FGFR2: variants seen among roughly 807,000 people sequenced by gnomAD.
The protein encoded by FGFR2 is fibroblast growth factor receptor 2.
FGFR2 carries 19 observed loss-of-function variants against 95.9 expected under a neutral mutation model. The ratio of observed to expected loss-of-function variants is 0.20; its 90% CI spans 0.14 to 0.29. The LOEUF (loss-of-function observed/expected upper bound fraction) is 0.29. FGFR2 is among the 10% of genes least tolerant of loss of function. The pLI is 1.00. For missense variants in FGFR2, 707 were observed against 1,056.9 expected, an observed-to-expected ratio of 0.67 and a Z score of 4.59; for synonymous variants, 392 against 393.3, an observed-to-expected ratio of 1.00 and a Z score of 0.04.
At chr10:121,526,826 C>T in intron 6 of FGFR2, 1 of 398,570 alleles carries the variant, frequency 2.5e-6, no homozygotes, top group Non-Finnish European at 4.4e-6. Flanking sequence ...GTTCTTTCCT[C>T]TTCGCTGTCT....
intron 12 of FGFR2, among the ~76,000 whole-genome samples, chr10:121,498,079 C>A (rs1847115632): frequency 1.3e-5 from 2 of 152,218 alleles, no homozygotes; most frequent in South Asian, 4.1e-4. Flanking sequence ...GGGAGCTCAG[C>A]CATCTGTGAC....
chr10:121,515,556 T>C (rs961455506), intron 8 of FGFR2, among the ~76,000 whole-genome samples: 2 of 152,060 alleles, frequency 1.3e-5, no homozygotes, highest in Admixed American at 6.6e-5. Flanking sequence ...CAGTGAGTGG[T>C]TGACACCCAG....
chr10:121,482,002 T>C (rs1322500988), intron 17 of FGFR2: 5 of 511,328 alleles, frequency 9.8e-6, no homozygotes, highest in Admixed American at 3.1e-5. Flanking sequence ...CACGCCCGGC[T>C]AATTTTTTGT....
chr10:121,495,901 G>C (rs1787311233), intron 13 of FGFR2, among the ~76,000 whole-genome samples: 1 of 152,184 alleles, frequency 6.6e-6, no homozygotes, highest in Non-Finnish European at 1.5e-5. Flanking sequence ...CTGGGCACCT[G>C]TCTAACTACT....
chr10:121,587,289 A>G (rs758158326), intron 2 of FGFR2, among the ~76,000 whole-genome samples: 1 of 152,232 alleles, frequency 6.6e-6, no homozygotes, highest in Non-Finnish European at 1.5e-5. Flanking sequence ...TGTCAAATCC[A>G]AAACTATAAA....
rs2135119115 is a variant in FGFR2 at position 121,565,601 on chromosome 10, A to G, written c.213T>C (p.Ser71=). Residue 71 remains serine (S), a synonymous_variant, in exon 3 of 18, where the codon AGT becomes AGC. Transcript: ENST00000358487. Reference sequence around the variant, plus strand: ...CCAAGTGCACCCCATCCTTAGTCCAACTGATCACGGCGGCATCTTTCAACA... The same window carrying G: ...CCAAGTGCACCCCATCCTTAGTCCAGCTGATCACGGCGGCATCTTTCAACA... ...RCLLKDAAVI[S]WTKDGVHLGP... is the part of the protein sequence containing the mutation. The G allele has an allele frequency of 2.5e-6, 4 of 1,614,140 alleles. No individual in the cohort carries two copies. The highest frequency in any genetic ancestry group is 2.2e-5 in the South Asian group (2 of 91,076).
chr10:121,591,271 T>C (rs549476126), intron 2 of FGFR2, among the ~76,000 whole-genome samples: 1 of 152,192 alleles, frequency 6.6e-6, no homozygotes, highest in Non-Finnish European at 1.5e-5. Context: ...GCCTCCTCCA[T>C]CCAAAAACAA....
intron 13 of FGFR2, among the ~76,000 whole-genome samples, 189 bp from the exon 14 acceptor site, chr10:121,488,302 A>G (rs1289839573): frequency 6.6e-6 from 1 of 152,076 alleles, no homozygotes; most frequent in Non-Finnish European, 1.5e-5. Context: ...GCACTTTGGG[A>G]GGTCAAGGTG....
At chr10:121,548,144 C>T (rs1490778090) in intron 5 of FGFR2, among the ~76,000 whole-genome samples, 1 of 152,008 alleles carries the variant, frequency 6.6e-6, no homozygotes, top group East Asian at 1.9e-4. Context: ...TCCCAGGCCG[C>T]CCCACCCTAC....
intron 2 of FGFR2, among the ~76,000 whole-genome samples, chr10:121,588,292 G>A (rs1256167120): frequency 1.3e-5 from 2 of 152,054 alleles, no homozygotes; most frequent in Non-Finnish European, 2.9e-5. Flanking sequence ...ATAGCTATTG[G>A]GTACTGGGCT....
At chr10:121,539,124 T>C (rs1853302532) in intron 5 of FGFR2, among the ~76,000 whole-genome samples, 1 of 152,220 alleles carries the variant, frequency 6.6e-6, no homozygotes, top group Non-Finnish European at 1.5e-5. Context: ...CAGAACCATG[T>C]AGAACTAACA....
chr10:121,517,569 GCC>G lies in FGFR2; in HGVS notation c.940-108_940-107del. 1 of 1,314,894 alleles carries G rather than the reference GCC, an allele frequency of 7.6e-7. No homozygotes were observed. Among genetic ancestry groups the G allele is most frequent in the Non-Finnish European group, 1.1e-6 (1 of 925,482 alleles). 81.5% of individuals were successfully genotyped at this position (1,314,894 alleles called of 1,614,324 possible). ...GCACCGGGGGCTTCAGGGGGTGCTG[GCC>G]ACTGGGAGATTCCGACTGCAGCCCA... On this transcript the variant is annotated intron_variant, in intron 7 of 17. Coordinates refer to ENST00000358487, the MANE Select transcript of FGFR2 (RefSeq NM_000141.5). The surrounding 1 kb of genome is among the most constrained non-coding windows in gnomAD (Gnocchi z 4.7).
chr10:121,566,047 A>G, intron 2 of FGFR2: 1 of 407,034 alleles, frequency 2.5e-6, no homozygotes, highest in Non-Finnish European at 4.6e-6. Flanking sequence ...AAAATCTGTT[A>G]TTGTGGTATG....
At chr10:121,489,046 TG>T (rs960691715) in intron 13 of FGFR2, among the ~76,000 whole-genome samples, 15 of 151,906 alleles carry the variant, frequency 9.9e-5, no homozygotes, top group Non-Finnish European at 5.9e-5. Flanking sequence ...TTTTTTAAAA[TG>T]GTCCCTCTGT....
chr10:121,530,933 A>G (rs548406064), intron 6 of FGFR2, among the ~76,000 whole-genome samples: 13 of 152,220 alleles, frequency 8.5e-5, no homozygotes, highest in African/African-American at 3.1e-4. Flanking sequence ...CCCCATCCTC[A>G]CCTGAATCTC....
At chr10:121,590,674 T>C (rs546307788) in intron 2 of FGFR2, among the ~76,000 whole-genome samples, 1 of 152,192 alleles carries the variant, frequency 6.6e-6, no homozygotes, top group Non-Finnish European at 1.5e-5. Flanking sequence ...ATATGACATA[T>C]GATATGATAC....
At chr10:121,515,081 G>A (rs753310179) in intron 9 of FGFR2, 36 bp downstream of exon 9, 10 of 1,597,080 alleles carry the variant, frequency 6.3e-6, no homozygotes, top group Non-Finnish European at 8.6e-6. Flanking sequence ...GGTCATGGGG[G>A]AGGAGTAAAT....
At chr10:121,483,927 A>T (rs1845084986) in intron 16 of FGFR2, 124 bp from the exon 17 acceptor site, 2 of 730,128 alleles carry the variant, frequency 2.7e-6, no homozygotes, top group South Asian at 3.1e-5. Flanking sequence ...CTTCCAAGCA[A>T]CTAGATTAGG....
intron 17 of FGFR2, 168 bp from the exon 18 acceptor site, chr10:121,480,189 AG>A: frequency 1.2e-6 from 1 of 823,880 alleles, no homozygotes; most frequent in Non-Finnish European, 2.1e-6. Flanking sequence ...GGGACAGGAC[AG>A]GAGACCCCTA....
Sources: allele counts gnomAD v4.1 joint callset (sites outside exome capture counted in the v4.1 genomes callset), GRCh38; gene constraint gnomAD v4.1.1; non-coding constraint Gnocchi (gnomAD v3.1); transcripts MANE v1.5; gene names NCBI Gene and HGNC (gene_info 2026-07-23, HGNC 2026-07-21).